The following MAPK8 variants were observed in gnomAD, a reference collection of about 807,000 sequenced individuals.
MAPK8 encodes mitogen-activated protein kinase 8, also known as JUN N-terminal kinase.
In MAPK8, 13 loss-of-function variants were observed where a neutral mutation model predicts 52.9. That is an observed-to-expected ratio of 0.25 (90% confidence interval 0.16 to 0.39). The LOEUF (loss-of-function observed/expected upper bound fraction) is 0.39, where lower values mean the gene tolerates loss of function less well. Among genes scored for constraint, MAPK8 ranks in the 10% least tolerant of loss-of-function variants. The pLI, the probability that MAPK8 is intolerant of heterozygous loss-of-function variation, is 1.00. For synonymous variants in MAPK8, 191 were observed against 169.8 expected, an observed-to-expected ratio of 1.12 and a Z score of -0.97; for missense variants, 300 against 519.2, an observed-to-expected ratio of 0.58 and a Z score of 4.10.
chr10:48,350,231 CAA>C (rs1846175590), intron 1 of MAPK8, among the ~76,000 whole-genome samples: 3 of 152,134 alleles, frequency 2.0e-5, no homozygotes, highest in African/African-American at 4.8e-5. Context: ...CTACTCCAAA[CAA>C]TAGAAAAAGA....
intron 1 of MAPK8, among the ~76,000 whole-genome samples, chr10:48,335,699 C>G (rs1844619963): frequency 6.6e-6 from 1 of 152,130 alleles, no homozygotes; most frequent in Admixed American, 6.6e-5. Context: ...AAAAACATGT[C>G]TCACAAGTGC....
intron 10 of MAPK8, among the ~76,000 whole-genome samples, chr10:48,429,476 T>TAAA (rs941519321): frequency 2.0e-5 from 3 of 152,224 alleles, no homozygotes; most frequent in African/African-American, 7.2e-5. Context: ...TTAAGAGTTT[T>TAAA]AGCGCATAGC....
At chr10:48,405,067 G>A (rs2042387116) in intron 3 of MAPK8, 86 bp downstream of exon 3, 7 of 725,178 alleles carry the variant, frequency 9.7e-6, no homozygotes, top group East Asian at 3.0e-5. Context: ...AAATATTAGG[G>A]GCTTTAAATT....
chr10:48,319,707 A>C (rs960332346), intron 1 of MAPK8, among the ~76,000 whole-genome samples: 3 of 151,778 alleles, frequency 2.0e-5, no homozygotes, highest in African/African-American at 7.3e-5. Flanking sequence ...GGCCAGGCTG[A>C]TCTTGAACTC....
At chr10:48,400,514 C>T (rs1275973589) in intron 1 of MAPK8, among the ~76,000 whole-genome samples, 3 of 152,168 alleles carry the variant, frequency 2.0e-5, no homozygotes, top group Non-Finnish European at 2.9e-5. Context: ...ATCTACATGT[C>T]GCAGCCAAGG....
At chr10:48,310,457 C>G (rs1841867851) in intron 1 of MAPK8, among the ~76,000 whole-genome samples, 1 of 152,114 alleles carries the variant, frequency 6.6e-6, no homozygotes, top group African/African-American at 2.4e-5. Flanking sequence ...TGGAAGGCTT[C>G]ACCATAAGCT....
At chr10:48,328,689 T>G (rs1190089257) in intron 1 of MAPK8, among the ~76,000 whole-genome samples, 1 of 152,204 alleles carries the variant, frequency 6.6e-6, no homozygotes, top group Non-Finnish European at 1.5e-5. Flanking sequence ...GCAACTGAGG[T>G]GTCCTGTTGA....
Position 48,424,148 on chromosome 10 carries a change from C to T in MAPK8, c.677C>T (p.Pro226Leu), listed in dbSNP as rs376010774. 9.9e-6 allele frequency: 16 copies of T among 1,613,178 alleles called. No individual in the cohort carries two copies. Among genetic ancestry groups the T allele is most frequent in the African/African-American group, 2.7e-5 (2 of 74,884 alleles). The change falls in exon 7 of 12, where the codon CCA becomes CTA. Residue 226 changes from proline (P) to leucine (L), a missense_variant. Transcript: ENST00000374189. Reference sequence around the variant, plus strand: ...ATGGTTTGCCACAAAATCCTCTTTCCAGGAAGGGACTGTATCCTTGTGCTG... The same window carrying T: ...ATGGTTTGCCACAAAATCCTCTTTCTAGGAAGGGACTGTATCCTTGTGCTG... Reference protein sequence around the residue: ...GEMVCHKILFPGRDYIDQWNK... With the variant: ...GEMVCHKILFLGRDYIDQWNK...
At chr10:48,398,470 A>G (rs985673928) in intron 1 of MAPK8, among the ~76,000 whole-genome samples, 3 of 152,224 alleles carry the variant, frequency 2.0e-5, no homozygotes, top group Non-Finnish European at 4.4e-5. Context: ...AATGTGGAAC[A>G]ACTGGACCTC....
At chr10:48,323,976 T>C (rs979283594) in intron 1 of MAPK8, among the ~76,000 whole-genome samples, 9 of 152,234 alleles carry the variant, frequency 5.9e-5, no homozygotes, top group African/African-American at 2.2e-4. Context: ...ACTGAACATT[T>C]TGGTCACCGT....
At chr10:48,367,989 C>T (rs1351418779) in intron 1 of MAPK8, among the ~76,000 whole-genome samples, 1 of 152,064 alleles carries the variant, frequency 6.6e-6, no homozygotes, top group Non-Finnish European at 1.5e-5. Context: ...CTACTTGCTA[C>T]AGGAGATAAT....
intron 10 of MAPK8, among the ~76,000 whole-genome samples, chr10:48,427,938 T>A (rs77994289): frequency 0.023 from 3,450 of 152,296 alleles, 141 homozygotes; most frequent in African/African-American, 0.079. Flanking sequence ...TCCAGTCTGT[T>A]GCTGTTAGAA....
Position 48,375,174 on chromosome 10 carries a change from T to C in MAPK8, c.-49-26438T>C, listed in dbSNP as rs376172564. ...TCTGAATAGATGCAGAAAAGGCCTTTGACAAAATTCAGCAGCCCCTCATGC... is the reference window on the plus strand; with the variant it reads ...TCTGAATAGATGCAGAAAAGGCCTTCGACAAAATTCAGCAGCCCCTCATGC... On this transcript the variant is annotated intron_variant, in intron 1 of 11. Coordinates refer to ENST00000374189, the MANE Select transcript of MAPK8 (RefSeq NM_001323329.2). Among the ~76,000 whole-genome samples, 7 of 152,226 alleles carry C rather than the reference T, an allele frequency of 4.6e-5. No individual in the cohort carries two copies. The South Asian group carries it at 1.0e-3, about 23-fold the overall frequency.
intron 5 of MAPK8, among the ~76,000 whole-genome samples, chr10:48,411,136 C>T (rs759306745): frequency 1.3e-5 from 2 of 152,140 alleles, no homozygotes; most frequent in African/African-American, 4.8e-5. Flanking sequence ...TAATGAAATA[C>T]AATTGTTTAT....
At chr10:48,404,797 G>T in intron 2 of MAPK8, 55 bp from the exon 3 acceptor site, 1 of 1,439,520 alleles carries the variant, frequency 6.9e-7, no homozygotes. Context: ...CATGAATTCA[G>T]TTTACAGATT....
chr10:48,350,133 C>T (rs1016495298), intron 1 of MAPK8, among the ~76,000 whole-genome samples: 1 of 152,058 alleles, frequency 6.6e-6, no homozygotes, highest in Non-Finnish European at 1.5e-5. Flanking sequence ...TAATAGCCTG[C>T]TAACCAAAAA....
At chr10:48,342,164 C>T (rs1257277307) in intron 1 of MAPK8, among the ~76,000 whole-genome samples, 3 of 152,186 alleles carry the variant, frequency 2.0e-5, no homozygotes, top group African/African-American at 4.8e-5. Flanking sequence ...AGTGCAGTGG[C>T]GCTGTCACGG....
rs535033659 is a variant in MAPK8 at position 48,409,865 on chromosome 10, G to A, written c.253-14G>A. The A allele has an allele frequency of 2.8e-5, 44 of 1,579,624 alleles. No homozygotes were observed. Among genetic ancestry groups the A allele is most frequent in the African/African-American group, 1.2e-4 (9 of 73,858 alleles). ...GTAATTTCTAATTTTTCTGTCTCTC[G>A]ACTTTTATTATAGATAATTGGCCTT... On this transcript the variant is annotated splice_polypyrimidine_tract_variant and intron_variant, in intron 3 of 11. Coordinates refer to ENST00000374189, the MANE Select transcript of MAPK8 (RefSeq NM_001323329.2).
chr10:48,335,702 AC>A (rs1455583405), intron 1 of MAPK8, among the ~76,000 whole-genome samples: 1 of 152,142 alleles, frequency 6.6e-6, no homozygotes, highest in Non-Finnish European at 1.5e-5. Flanking sequence ...AACATGTCTC[AC>A]AAGTGCTTTT....
Sources: gnomAD v4.1 joint callset for allele counts (sites outside exome capture counted in the v4.1 genomes callset) on GRCh38, gnomAD v4.1.1 for gene constraint, MANE v1.5 for transcripts, NCBI Gene and HGNC (gene_info 2026-07-23, HGNC 2026-07-21) for gene names.